The following NRXN3 variants were observed in gnomAD, a reference collection of about 807,000 sequenced individuals.
The protein encoded by NRXN3 is neurexin III.
Under a neutral mutation model 137.6 loss-of-function variants are expected in NRXN3, and 32 were observed. The ratio of observed to expected loss-of-function variants is 0.23; its 90% confidence interval spans 0.18 to 0.31. The LOEUF is 0.31. NRXN3 is among the 10% of genes least tolerant of loss of function. The probability of loss-of-function intolerance (pLI) is 1.00; values close to 1 mark genes in which losing one functional copy is unlikely to be tolerated. For synonymous variants in NRXN3, 798 were observed against 784.5 expected (o/e 1.02, Z -0.29); for missense variants, 1,574 against 2,062.5 (o/e 0.76, Z 4.59).
At chr14:78,659,151 G>T (rs2097811617) in intron 6 of NRXN3, among the ~76,000 whole-genome samples, 1 of 152,130 alleles carries the variant, frequency 6.6e-6, no homozygotes, top group African/African-American at 2.4e-5. Context: ...GAGTGATAAG[G>T]ACATGGATAT....
At position 78,702,451 on chromosome 14, in the gene NRXN3, C is replaced by CTTTTCTTTTTTTTTTT. The variant is rs151197180; in HGVS notation, c.1222-6764_1222-6763insTTCTTTTTTTTTTTTT. Among the ~76,000 whole-genome samples the CTTTTCTTTTTTTTTTT allele has an allele frequency of 5.3e-4, 65 of 122,702 alleles. 22 individuals carry two copies. Among genetic ancestry groups the CTTTTCTTTTTTTTTTT allele is most frequent in the African/African-American group, 4.9e-4 (16 of 32,814 alleles). 80.5% of individuals were successfully genotyped at this position (122,702 alleles called of 152,430 possible). A position where few individuals can be genotyped will look rare whatever the true frequency, so the allele number is the denominator to read the frequency against. On this transcript the variant is annotated intron_variant, in intron 6 of 20. Coordinates refer to ENST00000335750, the MANE Select transcript of NRXN3 (RefSeq NM_001330195.2). ...AAGAGAGAATCTTTCTTTTTCTTTT[C>CTTTTCTTTTTTTTTTT]TTATTTTTTTTGAGATGGAGTCTCA...
At chr14:78,830,291 TG>T (rs1397039242) in intron 10 of NRXN3, among the ~76,000 whole-genome samples, 1 of 152,120 alleles carries the variant, frequency 6.6e-6, no homozygotes, top group Non-Finnish European at 1.5e-5. Flanking sequence ...CTTGACAAAC[TG>T]GTGATATCTT....
At chr14:79,667,824 T>A (rs145475809) in intron 17 of NRXN3, among the ~76,000 whole-genome samples, 4 of 152,080 alleles carry the variant, frequency 2.6e-5, no homozygotes, top group African/African-American at 9.6e-5. Flanking sequence ...GACTTGAGTA[T>A]GAGGAATTAA....
At chr14:79,657,379 G>T (rs1408694543) in intron 16 of NRXN3, among the ~76,000 whole-genome samples, 2 of 152,142 alleles carry the variant, frequency 1.3e-5, no homozygotes, top group East Asian at 3.9e-4. Context: ...AAGGGGAGGG[G>T]ACTGGGTCAT....
intron 19 of NRXN3, among the ~76,000 whole-genome samples, chr14:79,743,236 G>T (rs1168158286): frequency 2.0e-5 from 3 of 152,128 alleles, no homozygotes; most frequent in African/African-American, 7.2e-5. Flanking sequence ...CATGCTAGAG[G>T]CCTGGCTCTG....
At chr14:78,915,586 A>G (rs920956575) in intron 10 of NRXN3, among the ~76,000 whole-genome samples, 1 of 152,154 alleles carries the variant, frequency 6.6e-6, no homozygotes, top group African/African-American at 2.4e-5. Flanking sequence ...GAAAATATAT[A>G]GAAATAAATA....
chr14:78,820,090 G>C (rs990204233), intron 10 of NRXN3, among the ~76,000 whole-genome samples: 5 of 151,814 alleles, frequency 3.3e-5, no homozygotes, highest in Non-Finnish European at 5.9e-5. Flanking sequence ...ACCTCTATGC[G>C]GTGTAGGATG....
intron 15 of NRXN3, among the ~76,000 whole-genome samples, chr14:79,169,391 T>C (rs1471696789): frequency 6.6e-6 from 1 of 152,128 alleles, no homozygotes; most frequent in Admixed American, 6.6e-5. Context: ...GTAAACTTAC[T>C]ACCTAAGATT....
intron 4 of NRXN3, among the ~76,000 whole-genome samples, chr14:78,322,040 T>C (rs557783250): frequency 6.6e-6 from 1 of 152,082 alleles, no homozygotes; most frequent in African/African-American, 2.4e-5. Flanking sequence ...CTTCCAAAAT[T>C]CTTACTCCTT....
chr14:79,476,914 T>C (rs368800000), intron 16 of NRXN3, among the ~76,000 whole-genome samples: 2 of 152,108 alleles, frequency 1.3e-5, no homozygotes, highest in African/African-American at 4.8e-5. Context: ...CTAATGAAAG[T>C]TTTAGAGTAG....
chr14:78,389,465 T>C lies in NRXN3; in HGVS notation c.757+91605T>C, dbSNP rs147178561. On this transcript the variant is annotated intron_variant, in intron 4 of 20. Coordinates refer to ENST00000335750, the MANE Select transcript of NRXN3 (RefSeq NM_001330195.2). Reference sequence around the variant, plus strand: ...CAATGCCTGTCTCAATAAGCCTTCATTACTGCTGAGGGGTGTGATTTTATC... The same window carrying C: ...CAATGCCTGTCTCAATAAGCCTTCACTACTGCTGAGGGGTGTGATTTTATC... Among the ~76,000 whole-genome samples, 158 of 152,332 alleles carry C rather than the reference T, an allele frequency of 1.0e-3. 1 individual carries two copies. The highest frequency in any genetic ancestry group is 3.7e-3 in the African/African-American group (153 of 41,580).
At chr14:79,555,070 A>C (rs2097415875) in intron 16 of NRXN3, among the ~76,000 whole-genome samples, 1 of 152,150 alleles carries the variant, frequency 6.6e-6, no homozygotes, top group Non-Finnish European at 1.5e-5. Flanking sequence ...ATCTCATCTC[A>C]CTGTTTTATG....
intron 4 of NRXN3, among the ~76,000 whole-genome samples, chr14:78,608,072 T>TAAGAAAATAATATTAAGGTATA (rs1263581096): frequency 6.6e-6 from 1 of 152,094 alleles, no homozygotes; most frequent in Non-Finnish European, 1.5e-5. Context: ...GTTAAGGTAT[T>TAAGAAAATAATATTAAGGTATA]AAGAAAACAA....
intron 4 of NRXN3, among the ~76,000 whole-genome samples, chr14:78,593,535 A>C (rs77088151): frequency 0.038 from 5,783 of 152,232 alleles, 145 homozygotes; most frequent in African/African-American, 0.066. Context: ...CTTGCTGGTG[A>C]CTTTCCTGAG....
intron 15 of NRXN3, among the ~76,000 whole-genome samples, chr14:79,055,431 C>G (rs2099657380): frequency 6.6e-6 from 1 of 152,142 alleles, no homozygotes. Context: ...GTGATGGAAT[C>G]AAATGATGTA....
intron 15 of NRXN3, among the ~76,000 whole-genome samples, chr14:79,277,057 G>A (rs192343377): frequency 7.2e-5 from 11 of 152,268 alleles, no homozygotes; most frequent in Non-Finnish European, 1.3e-4. Context: ...TGCTGTCAAG[G>A]AAATAAAACA....
At chr14:79,580,587 T>G (rs1602409154) in intron 16 of NRXN3, among the ~76,000 whole-genome samples, 1 of 152,184 alleles carries the variant, frequency 6.6e-6, no homozygotes, top group Non-Finnish European at 1.5e-5. Context: ...TTTACAGTCC[T>G]AATTAAATGG....
At chr14:78,609,650 A>G (rs2097282985) in intron 4 of NRXN3, among the ~76,000 whole-genome samples, 1 of 152,216 alleles carries the variant, frequency 6.6e-6, no homozygotes, top group African/African-American at 2.4e-5. Context: ...TAATAATAAT[A>G]TATGACTCCA....
At chr14:78,540,582 T>A (rs2096580485) in intron 4 of NRXN3, among the ~76,000 whole-genome samples, 1 of 152,218 alleles carries the variant, frequency 6.6e-6, no homozygotes, top group African/African-American at 2.4e-5. Flanking sequence ...TTTGCCAGTC[T>A]GTGTCTTTTA....
Sources: allele counts gnomAD v4.1 joint callset (sites outside exome capture counted in the v4.1 genomes callset), GRCh38; gene constraint gnomAD v4.1.1; transcripts MANE v1.5; gene names NCBI Gene and HGNC (gene_info 2026-07-23, HGNC 2026-07-21).